The following CPSF3 variants were observed in gnomAD, a reference collection of about 807,000 sequenced individuals.
CPSF3 encodes cleavage and polyadenylation specific factor 3.
In CPSF3, 57 loss-of-function variants were observed where a neutral mutation model predicts 84.1. The ratio of observed to expected loss-of-function variants is 0.68; its 90% CI spans 0.55 to 0.85. CPSF3 has a LOEUF of 0.85. Among genes scored for constraint, CPSF3 ranks in the 40% least tolerant of loss-of-function variants. CPSF3 has a pLI of 0.00. For missense variants in CPSF3, 522 were observed against 838.8 expected (o/e 0.62, Z 4.66); for synonymous variants, 275 against 278.1 (o/e 0.99, Z 0.11).
chr2:9,441,974 A>C lies in CPSF3; in HGVS notation c.1093A>C (p.Lys365Gln). ...AGYCVEGTLA[K>Q]HIMSEPEEIT... ...ATACTGTGTAGAAGGGACACTTGCC[A>C]AGGTCAGTTACAGTCATAGGCTGTT... is the stretch of plus-strand genomic sequence containing the variant. The change falls in exon 9 of 18, where the codon AAG becomes CAG. Residue 365 changes from lysine (K) to glutamine (Q), a missense_variant and splice_region_variant. Physicochemically the swap from Lys to Gln is moderately conservative, Grantham distance 53. This residue lies in a region of CPSF3 where 329 missense variants were observed against 607.2 expected (regional missense o/e 0.54). Coordinates refer to ENST00000238112, the MANE Select transcript of CPSF3 (RefSeq NM_016207.4). 1 of 1,614,098 alleles carries C rather than the reference A, an allele frequency of 6.2e-7. No homozygotes were observed. Among genetic ancestry groups the C allele is most frequent in the Non-Finnish European group, 8.5e-7 (1 of 1,179,948 alleles).
intron 1 of CPSF3, among the ~76,000 whole-genome samples, chr2:9,428,082 C>T (rs1043166235): frequency 2.6e-4 from 40 of 151,622 alleles, no homozygotes; most frequent in African/African-American, 8.7e-4. Flanking sequence ...CTGCAAGCTC[C>T]GCCTCCTGGG....
intron 3 of CPSF3, 45 bp downstream of exon 3, chr2:9,430,065 C>T: frequency 9.1e-7 from 1 of 1,104,720 alleles, no homozygotes; most frequent in Non-Finnish European, 1.3e-6. Context: ...CGGACTTTTA[C>T]TATCAAGATC....
At position 9,453,057 on chromosome 2, in the gene CPSF3, C is replaced by T. The variant is rs778162419; in HGVS notation, c.1504+36C>T. On this transcript the variant is annotated intron_variant, in intron 12 of 17. Transcript: ENST00000238112. ...TATTAAATGTCAAATCCAACTTCAC[C>T]TTAGCACTGAAAGAAAATCTATGAA... 1.4e-5 allele frequency: 18 copies of T among 1,261,566 alleles called. 1 individual carries two copies. Among genetic ancestry groups the T allele is most frequent in the South Asian group, 1.2e-4 (9 of 74,150 alleles). The allele number at this position is 1,261,566 out of a possible 1,614,324, so 78.1% of individuals were successfully genotyped here.
chr2:9,432,753 A>G, intron 5 of CPSF3, 65 bp downstream of exon 5: 1 of 1,296,594 alleles, frequency 7.7e-7, no homozygotes, highest in Non-Finnish European at 1.0e-6. Flanking sequence ...GCCACCAAGT[A>G]CTATTAAAAA....
rs575517119 is a variant in CPSF3, at chr2:9,441,237, T to A, written c.936+571T>A. 1.8e-4 allele frequency among the ~76,000 whole-genome samples: 28 copies of A among 152,384 alleles called. No homozygotes were observed. The East Asian group carries it at 3.1e-3, about 17-fold the overall frequency. On this transcript the variant is annotated intron_variant, in intron 8 of 17. Transcript: ENST00000238112. ...TGATTTTATTTAATTTAAAAAATAC[T>A]GTTTAACTCGATGCTTGAATCATAA...
At position 9,428,792 on chromosome 2, in the gene CPSF3, A is replaced by G. The variant is rs1424149863; in HGVS notation, c.78A>G (p.Ser26=). 1.2e-6 allele frequency: 2 copies of G among 1,605,870 alleles called. No individual in the cohort carries two copies. Among genetic ancestry groups the G allele is most frequent in the Non-Finnish European group, 1.7e-6 (2 of 1,172,692 alleles). Residue 26 remains serine, a synonymous_variant, in exon 2 of 18, where the codon TCA becomes TCG. Transcript: ENST00000238112. ...PLGAGQEVGR[S]CIILEFKGRK... Reference sequence around the variant, plus strand: ...GAGCTGGGCAAGAAGTAGGAAGATCATGTATTATTCTCGAGTTCAAAGGAA... The same window carrying G: ...GAGCTGGGCAAGAAGTAGGAAGATCGTGTATTATTCTCGAGTTCAAAGGAA...
chr2:9,443,662 G>T lies in CPSF3; in HGVS notation c.1242+1G>T. ...TCGTGCTTTGAAACCGCCTCATGTG[G>T]TTAGTCTATGAATTTCATTTATTGT... On this transcript the variant is annotated splice_donor_variant, in intron 10 of 17. Coordinates refer to ENST00000238112, the MANE Select transcript of CPSF3 (RefSeq NM_016207.4). LOFTEE classifies it high-confidence loss of function. 2 of 1,613,556 alleles carry T rather than the reference G, an allele frequency of 1.2e-6. No homozygotes were observed. The highest frequency in any genetic ancestry group is 1.7e-6 in the Non-Finnish European group (2 of 1,179,822).
intron 9 of CPSF3, among the ~76,000 whole-genome samples, 167 bp from the exon 10 acceptor site, chr2:9,443,348 T>C (rs1394547589): frequency 6.6e-6 from 1 of 152,182 alleles, no homozygotes; most frequent in Non-Finnish European, 1.5e-5. Context: ...GTTTGCTTGA[T>C]TGAGAACATG....
chr2:9,472,315 G>A (rs1436660075), intron 17 of CPSF3, among the ~76,000 whole-genome samples: 2 of 103,136 alleles, frequency 1.9e-5, no homozygotes, highest in East Asian at 4.3e-4. Flanking sequence ...GCGAGATTCT[G>A]TCTCAAAAAA....
Position 9,441,935 on chromosome 2 carries a change from G to A in CPSF3, c.1054G>A (p.Val352Ile). 2.5e-6 allele frequency: 4 copies of A among 1,614,190 alleles called. No individual in the cohort carries two copies. The South Asian group carries it at 3.3e-5, about 13-fold the overall frequency. ...ESWCTDKRNGVIIAGYCVEGT... is the reference protein window; with the variant it reads ...ESWCTDKRNGIIIAGYCVEGT... ...CTGGTGTACTGATAAGAGGAATGGT[G>A]TCATTATAGCGGGATACTGTGTAGA... Residue 352 changes from valine to isoleucine, a missense_variant, in exon 9 of 18, where the codon GTC becomes ATC. Physicochemically the swap from Val to Ile is conservative, Grantham distance 29. Coordinates refer to ENST00000238112, the MANE Select transcript of CPSF3 (RefSeq NM_016207.4).
rs2148938757 is a variant in CPSF3 at position 9,436,142 on chromosome 2, T to C, written c.610-69T>C. ...AATTGCTTAGCCCCTCAGTATTTCA[T>C]TGATGTTTAACTTTTGAATTCTTGG... On this transcript the variant is annotated intron_variant, in intron 6 of 17. Coordinates refer to ENST00000238112, the MANE Select transcript of CPSF3 (RefSeq NM_016207.4). 3.7e-6 allele frequency: 5 copies of C among 1,339,728 alleles called. No individual in the cohort carries two copies. In the South Asian group the frequency reaches 6.2e-5, roughly 16 times the overall value. 83.0% of individuals were successfully genotyped at this position (1,339,728 alleles called of 1,614,324 possible).
At chr2:9,472,247 G>A (rs572269428) in intron 17 of CPSF3, among the ~76,000 whole-genome samples, 99 of 149,938 alleles carry the variant, frequency 6.6e-4, no homozygotes, top group Admixed American at 2.3e-3. Context: ...CTTAACCCAA[G>A]AGACAGAGGT....
At chr2:9,448,141 A>G (rs2124835407) in intron 10 of CPSF3, 57 bp from the exon 11 acceptor site, 2 of 953,314 alleles carry the variant, frequency 2.1e-6, no homozygotes, top group Non-Finnish European at 1.6e-6. Flanking sequence ...CAACTTAAGG[A>G]CCATGATTAA....
At chr2:9,456,547 T>C (rs1029939854) in intron 13 of CPSF3, among the ~76,000 whole-genome samples, 2 of 152,200 alleles carry the variant, frequency 1.3e-5, no homozygotes, top group East Asian at 3.8e-4. Context: ...AACAATAGAA[T>C]TCCGCTGTAG....
chr2:9,466,165 AC>A (rs1052207139), intron 15 of CPSF3, among the ~76,000 whole-genome samples: 3 of 150,572 alleles, frequency 2.0e-5, no homozygotes, highest in African/African-American at 7.3e-5. Flanking sequence ...ACATGCTAAA[AC>A]CCTGTCTCTA....
At chr2:9,444,015 C>T (rs1305674708) in intron 10 of CPSF3, among the ~76,000 whole-genome samples, 1 of 151,900 alleles carries the variant, frequency 6.6e-6, no homozygotes, top group Non-Finnish European at 1.5e-5. Flanking sequence ...AGTTACTTAA[C>T]CTCTCTGTAC....
Position 9,433,898 on chromosome 2 carries a change from C to A in CPSF3, c.547C>A (p.Gln183Lys), listed in dbSNP as rs1478420401. The A allele has an allele frequency of 6.2e-7, 1 of 1,610,912 alleles. No individual in the cohort carries two copies. Among genetic ancestry groups the A allele is most frequent in the Admixed American group, 1.7e-5 (1 of 59,846 alleles). Reference protein sequence around the residue: ...KLLYTGDFSRQEDRHLMAAEI... With the variant: ...KLLYTGDFSRKEDRHLMAAEI... Reference sequence around the variant, plus strand: ...TTTGTACACTGGTGATTTCTCAAGACAAGAAGATAGGCACTTAATGGCAGC... The same window carrying A: ...TTTGTACACTGGTGATTTCTCAAGAAAAGAAGATAGGCACTTAATGGCAGC... Residue 183 changes from glutamine to lysine, a missense_variant, in exon 6 of 18, where the codon CAA (glutamine) becomes AAA (lysine). Gln to Lys is a moderately conservative substitution (Grantham distance 53, BLOSUM62 1). Around this residue, in one of 2 missense-constraint regions of CPSF3, gnomAD observed 329 missense variants for 607.2 expected, o/e 0.54. Transcript: ENST00000238112.
chr2:9,467,807 G>A, intron 16 of CPSF3, 31 bp downstream of exon 16: 2 of 1,562,092 alleles, frequency 1.3e-6, no homozygotes, highest in Non-Finnish European at 1.8e-6. Flanking sequence ...TTCTCAACAA[G>A]ACAGTGACAG....
intron 12 of CPSF3, among the ~76,000 whole-genome samples, chr2:9,454,383 G>A (rs925116371): frequency 6.6e-6 from 1 of 152,020 alleles, no homozygotes; most frequent in Non-Finnish European, 1.5e-5. Flanking sequence ...ACTCCAACCC[G>A]GGCAACAGTG....
Sources: allele counts gnomAD v4.1 joint callset (sites outside exome capture counted in the v4.1 genomes callset), GRCh38; gene constraint gnomAD v4.1.1; regional missense constraint gnomAD v4.1.1; transcripts MANE v1.5; gene names NCBI Gene and HGNC (gene_info 2026-07-23, HGNC 2026-07-21).